SCFD1: variants seen among roughly 807,000 people sequenced by gnomAD.
The protein encoded by SCFD1 is sec1 family domain containing 1.
In SCFD1, 37 loss-of-function variants were observed where a neutral mutation model predicts 103.2. That is an observed-to-expected ratio of 0.36 (90% CI 0.28 to 0.47). The LOEUF (loss-of-function observed/expected upper bound fraction) is 0.47, where lower values mean the gene tolerates loss of function less well. Among genes scored for constraint, SCFD1 ranks in the 20% least tolerant of loss-of-function variants. The pLI, the probability that SCFD1 is intolerant of heterozygous loss-of-function variation, is 1.00. For missense variants in SCFD1, 639 were observed against 761.2 expected, an observed-to-expected ratio of 0.84 and a Z score of 1.89; for synonymous variants, 264 against 245.0, an observed-to-expected ratio of 1.08 and a Z score of -0.73.
chr14:30,657,968 G>A, intron 10 of SCFD1: 1 of 386,130 alleles, frequency 2.6e-6, no homozygotes, highest in South Asian at 2.0e-5. Context: ...CACACTTCTG[G>A]TTAAAAAAAA....
At chr14:30,641,321 T>G (rs1029863110) in intron 6 of SCFD1, among the ~76,000 whole-genome samples, 1 of 152,208 alleles carries the variant, frequency 6.6e-6, no homozygotes, top group Non-Finnish European at 1.5e-5. Context: ...TCAGTCAAAC[T>G]AAGGCTGCTA....
intron 10 of SCFD1, among the ~76,000 whole-genome samples, chr14:30,656,631 A>C (rs1228687232): frequency 6.6e-6 from 1 of 152,084 alleles, no homozygotes; most frequent in Non-Finnish European, 1.5e-5. Flanking sequence ...TGACAACATG[A>C]GTTTCAAAGC....
chr14:30,715,788 C>T, intron 19 of SCFD1, 136 bp from the exon 20 acceptor site: 1 of 554,890 alleles, frequency 1.8e-6, no homozygotes, highest in Non-Finnish European at 3.2e-6. Context: ...ATCACCTTTA[C>T]CATTCACAGA....
chr14:30,643,181 A>G (rs1473442209), intron 6 of SCFD1, 135 bp from the exon 7 acceptor site: 3 of 711,872 alleles, frequency 4.2e-6, no homozygotes, highest in East Asian at 5.4e-5. Context: ...TGAAAAAAAA[A>G]AATTTAAACC....
At chr14:30,711,607 A>G (rs2139376942) in intron 19 of SCFD1, among the ~76,000 whole-genome samples, 1 of 152,336 alleles carries the variant, frequency 6.6e-6, no homozygotes, top group African/African-American at 2.4e-5. Context: ...ACATCAAAAC[A>G]TCATGTTGTA....
intron 14 of SCFD1, among the ~76,000 whole-genome samples, chr14:30,692,419 T>C (rs1890381126): frequency 6.6e-6 from 1 of 152,068 alleles, no homozygotes; most frequent in African/African-American, 2.4e-5. Flanking sequence ...ATGAGTTATT[T>C]TGGCCAAGGA....
intron 6 of SCFD1, among the ~76,000 whole-genome samples, chr14:30,641,691 A>G (rs1003938398): frequency 3.9e-5 from 6 of 152,176 alleles, no homozygotes; most frequent in Admixed American, 1.3e-4. Context: ...CACCTGAGTA[A>G]TGGCCCATTT....
chr14:30,707,729 A>C, intron 18 of SCFD1: 1 of 434,874 alleles, frequency 2.3e-6, no homozygotes, highest in Non-Finnish European at 4.3e-6. Flanking sequence ...GTTTATTTTG[A>C]GGGCAGCTCT....
At chr14:30,647,086 G>T (rs1885909319) in intron 7 of SCFD1, among the ~76,000 whole-genome samples, 1 of 152,028 alleles carries the variant, frequency 6.6e-6, no homozygotes, top group Admixed American at 6.6e-5. Context: ...GATTCAAAAT[G>T]TAAAGCACTG....
chr14:30,632,046 G>GAAAAAA (rs61645782), intron 3 of SCFD1, among the ~76,000 whole-genome samples: 3 of 70,266 alleles, frequency 4.3e-5, no homozygotes, highest in Non-Finnish European at 7.9e-5. Flanking sequence ...AGATTCTGTT[G>GAAAAAA]AAAAAAAAAA....
chr14:30,670,502 C>A, intron 11 of SCFD1, 107 bp downstream of exon 11: 1 of 676,392 alleles, frequency 1.5e-6, no homozygotes, highest in Non-Finnish European at 2.4e-6. Context: ...GGTTCGTTCA[C>A]CCAATGAGTG....
In SCFD1 at chr14:30,622,350, G is replaced by GGCGGCAGCGACAGCAGCAGCAGCA; in HGVS notation, c.15_38dup (p.Ala6_Ala13dup). The GGCGGCAGCGACAGCAGCAGCAGCA allele has an allele frequency of 6.4e-7, 1 of 1,570,362 alleles. No homozygotes were observed. The highest frequency in any genetic ancestry group is 2.4e-5 in the East Asian group (1 of 42,410). On this transcript the variant is annotated inframe_insertion, in exon 1 of 25. Coordinates refer to ENST00000458591, the MANE Select transcript of SCFD1 (RefSeq NM_016106.4). The stretch of plus-strand genomic sequence containing the variant: ...TCGTGGGAGCCAAGATGGCGGCGGC[G>GGCGGCAGCGACAGCAGCAGCAGCA]GCGGCAGCGACAGCAGCAGCAGCAG...
intron 10 of SCFD1, among the ~76,000 whole-genome samples, chr14:30,662,583 TTA>T (rs1168889469): frequency 3.3e-5 from 5 of 152,216 alleles, no homozygotes; most frequent in African/African-American, 1.2e-4. Context: ...GGCATTGTGT[TTA>T]TGACTCCAAA....
At chr14:30,723,836 G>A (rs886556337) in intron 23 of SCFD1, among the ~76,000 whole-genome samples, 14 of 151,964 alleles carry the variant, frequency 9.2e-5, no homozygotes, top group Non-Finnish European at 1.8e-4. Context: ...CTTTGCTATC[G>A]TGAACAGTGC....
intron 3 of SCFD1, 95 bp downstream of exon 3, chr14:30,630,660 A>AT (rs1884015793): frequency 5.4e-6 from 4 of 745,180 alleles, no homozygotes; most frequent in Non-Finnish European, 9.1e-6. Context: ...AGTATTGAAC[A>AT]TTTTTTCCCT....
rs397967329 is a variant in SCFD1, at chr14:30,654,673, C to CAAA, written c.855+1099_855+1101dup. Among the ~76,000 whole-genome samples the CAAA allele has an allele frequency of 2.8e-4, 23 of 82,518 alleles. No individual in the cohort carries two copies. In the South Asian group the frequency reaches 5.4e-3, roughly 19 times the overall value. The allele number at this position is 82,518 out of a possible 152,430, so 54.1% of individuals were successfully genotyped here. A position where few individuals can be genotyped will look rare whatever the true frequency, so the allele number is the denominator to read the frequency against. ...TGGGTGACAGAGCAAGACCTAGTCTCAAAAAAAAAAAAAAAAGGAAATGAA... is the reference window on the plus strand; with the variant it reads ...TGGGTGACAGAGCAAGACCTAGTCTCAAAAAAAAAAAAAAAAAAAGGAAATGAA... On this transcript the variant is annotated intron_variant, in intron 10 of 24. Transcript: ENST00000458591.
intron 23 of SCFD1, among the ~76,000 whole-genome samples, chr14:30,730,470 C>G (rs562888600): frequency 6.6e-6 from 1 of 152,332 alleles, no homozygotes; most frequent in South Asian, 2.1e-4. Flanking sequence ...TTTACAGTCC[C>G]ACCAACAGTG....
intron 7 of SCFD1, among the ~76,000 whole-genome samples, chr14:30,645,855 G>T (rs2139076084): frequency 6.6e-6 from 1 of 152,220 alleles, no homozygotes; most frequent in South Asian, 2.1e-4. Flanking sequence ...ACGACTTCCA[G>T]TACTATGTTA....
Position 30,694,776 on chromosome 14 carries a change from AG to A in SCFD1, c.1247del (p.Arg416LysfsTer13). The A allele has an allele frequency of 6.3e-7, 1 of 1,578,932 alleles. No homozygotes were observed. The highest frequency in any genetic ancestry group is 8.5e-7 in the Non-Finnish European group (1 of 1,169,768). On this transcript the variant is annotated frameshift_variant, in exon 15 of 25. Transcript: ENST00000458591. LOFTEE classifies it high-confidence loss of function. ...ATAVLEHIKA[R>X]KLDVYFEYEE... ...TCTAATGTTTATTTTGAAACAGGCA[AG>A]AAAATTGGATGTATATTTTGAATAT...
Sources: gnomAD v4.1 joint callset for allele counts (sites outside exome capture counted in the v4.1 genomes callset) on GRCh38, gnomAD v4.1.1 for gene constraint, MANE v1.5 for transcripts, NCBI Gene and HGNC (gene_info 2026-07-23, HGNC 2026-07-21) for gene names.